The following FN3KRP variants were observed in gnomAD, a reference collection of about 807,000 sequenced individuals.
FN3KRP encodes the protein fructosamine 3 kinase related protein.
FN3KRP carries 33 observed loss-of-function variants against 29.8 expected under a neutral mutation model. The ratio of observed to expected loss-of-function variants is 1.11; its 90% CI spans 0.84 to 1.48. The LOEUF (loss-of-function observed/expected upper bound fraction) is 1.48, where lower values mean the gene tolerates loss of function less well. Among genes scored for constraint, FN3KRP ranks in the 40% most tolerant of loss-of-function variants. The pLI is 0.00. For missense variants in FN3KRP, 430 were observed against 402.6 expected (o/e 1.07, Z -0.58); for synonymous variants, 157 against 155.2 (o/e 1.01, Z -0.09).
At chr17:82,726,428 C>A in intron 4 of FN3KRP, 52 bp from the exon 5 acceptor site, 1 of 1,590,450 alleles carries the variant, frequency 6.3e-7, no homozygotes, top group South Asian at 1.1e-5. Flanking sequence ...GCTGAGCTCT[C>A]CCTTGGTTCT....
intron 3 of FN3KRP, among the ~76,000 whole-genome samples, chr17:82,722,266 C>G (rs1339581982): frequency 6.6e-6 from 1 of 152,194 alleles, no homozygotes; most frequent in African/African-American, 2.4e-5. Flanking sequence ...TCCCGAGTAG[C>G]TGGGATTATA....
rs1463916252 is a variant in FN3KRP at position 82,727,126 on chromosome 17, G to T, written c.885G>T (p.Gly295=). ...YLNHWNHFGS[G]YRGSSLNIMR... is the part of the protein sequence containing the mutation. ...ACCACTGGAATCATTTTGGATCGGG[G>T]TACAGAGGATCCTCCCTGAACATCA... Residue 295 remains glycine (G), a synonymous_variant, in exon 6 of 6, where the codon GGG becomes GGT. Transcript: ENST00000269373. 2 of 1,614,108 alleles carry T rather than the reference G, an allele frequency of 1.2e-6. No individual in the cohort carries two copies. The highest frequency in any genetic ancestry group is 2.2e-5 in the South Asian group (2 of 91,076).
intron 3 of FN3KRP, 82 bp downstream of exon 3, chr17:82,720,445 G>C: frequency 4.4e-6 from 5 of 1,143,856 alleles, no homozygotes; most frequent in Non-Finnish European, 6.3e-6. Context: ...GGGCCGTGCA[G>C]CAGCCGTGGG....
At chr17:82,721,984 G>A (rs1239401995) in intron 3 of FN3KRP, among the ~76,000 whole-genome samples, 4 of 149,618 alleles carry the variant, frequency 2.7e-5, no homozygotes, top group Admixed American at 6.7e-5. Context: ...ACAGGCATGC[G>A]CCACCATGCC....
At position 82,716,780 on chromosome 17, in the gene FN3KRP, C is replaced by T. The variant is rs1397944852; in HGVS notation, c.25C>T (p.Leu9=). MEELLRRE[L]GCSSVRATGH... ...CATGGAGGAGCTCCTGAGGCGCGAG[C>T]TGGGCTGCAGCTCTGTCAGGGCCAC... The change falls in exon 1 of 6, where the codon CTG becomes TTG. Residue 9 remains leucine, a synonymous_variant. Coordinates refer to ENST00000269373, the MANE Select transcript of FN3KRP (RefSeq NM_024619.4). 1.3e-6 allele frequency: 2 copies of T among 1,533,816 alleles called. No homozygotes were observed. Among genetic ancestry groups the T allele is most frequent in the Non-Finnish European group, 1.7e-6 (2 of 1,148,462 alleles).
chr17:82,721,099 T>TC (rs1325111740), intron 3 of FN3KRP: 2 of 152,338 alleles, frequency 1.3e-5, no homozygotes, highest in African/African-American at 2.4e-5. Flanking sequence ...TTTCTTTCTT[T>TC]TTTTTGAGAC....
intron 3 of FN3KRP, among the ~76,000 whole-genome samples, chr17:82,721,486 T>C (rs2046797738): frequency 6.6e-6 from 1 of 152,082 alleles, no homozygotes; most frequent in Non-Finnish European, 1.5e-5. Flanking sequence ...AGATTCTTTT[T>C]CCTCTTTATT....
chr17:82,723,176 T>A (rs2046810411), intron 4 of FN3KRP, among the ~76,000 whole-genome samples: 1 of 152,192 alleles, frequency 6.6e-6, no homozygotes, highest in Non-Finnish European at 1.5e-5. Flanking sequence ...GAGGGTGGAA[T>A]GACAAGGGTT....
At chr17:82,717,548 G>A (rs59806376) in intron 1 of FN3KRP, among the ~76,000 whole-genome samples, 151,234 of 152,172 alleles carry the variant, frequency 0.99, 75,157 homozygotes, top group East Asian at 1. Context: ...TGAAACCCCC[G>A]TCTCTATTAA....
intron 2 of FN3KRP, 44 bp downstream of exon 2, chr17:82,719,101 A>T: frequency 6.6e-7 from 1 of 1,522,172 alleles, no homozygotes; most frequent in Non-Finnish European, 8.9e-7. Flanking sequence ...TTACCTGAGC[A>T]GGTGTGTCTT....
chr17:82,719,087 T>C (rs1283953956), intron 2 of FN3KRP, 30 bp downstream of exon 2: 1 of 1,463,558 alleles, frequency 6.8e-7, no homozygotes, highest in South Asian at 1.2e-5. Flanking sequence ...CCCACCTGGC[T>C]TTATTACCTG....
At position 82,721,164 on chromosome 17, in the gene FN3KRP, C is replaced by T. The variant is rs139192209; in HGVS notation, c.385+801C>T. Reference sequence around the variant, plus strand: ...GGGCAGTGGTGCAATCTTGGCTCACCGTGACCTCTGCCTCCTGGGTTCAAG... The same window carrying T: ...GGGCAGTGGTGCAATCTTGGCTCACTGTGACCTCTGCCTCCTGGGTTCAAG... On this transcript the variant is annotated intron_variant, in intron 3 of 5. Coordinates refer to ENST00000269373, the MANE Select transcript of FN3KRP (RefSeq NM_024619.4). Among the ~76,000 whole-genome samples, 917 of 151,856 alleles carry T rather than the reference C, an allele frequency of 6.0e-3. 6 individuals carry two copies. Among genetic ancestry groups the T allele is most frequent in the Non-Finnish European group, 7.9e-3 (536 of 67,902 alleles).
chr17:82,717,732 G>A (rs2046767707), intron 1 of FN3KRP, among the ~76,000 whole-genome samples: 1 of 152,178 alleles, frequency 6.6e-6, no homozygotes, highest in Non-Finnish European at 1.5e-5. Context: ...AAAAAAAAAA[G>A]AGTGTTCCTA....
chr17:82,722,577 TCTG>T, intron 3 of FN3KRP: 1 of 510,886 alleles, frequency 2.0e-6, no homozygotes, highest in South Asian at 2.4e-5. Flanking sequence ...GATGCTGACG[TCTG>T]CTGGAGGCCA....
At chr17:82,719,094 C>G in intron 2 of FN3KRP, 37 bp downstream of exon 2, 1 of 1,528,392 alleles carries the variant, frequency 6.5e-7, no homozygotes, top group South Asian at 1.1e-5. Context: ...GGCTTTATTA[C>G]CTGAGCAGGT....
intron 4 of FN3KRP, among the ~76,000 whole-genome samples, chr17:82,725,947 G>A (rs1223872477): frequency 2.0e-5 from 3 of 152,232 alleles, no homozygotes; most frequent in African/African-American, 7.2e-5. Flanking sequence ...AGAGGCTGAA[G>A]CGGGCAGATC....
intron 4 of FN3KRP, among the ~76,000 whole-genome samples, chr17:82,723,808 G>A (rs1032177403): frequency 8.6e-5 from 13 of 151,906 alleles, no homozygotes; most frequent in Admixed American, 2.0e-4. Flanking sequence ...GTCCTTTCTC[G>A]GGGTCCTTCT....
rs1017491823 is a variant in FN3KRP, at chr17:82,723,604, T to C, written c.468+718T>C. On this transcript the variant is annotated intron_variant, in intron 4 of 5. Coordinates refer to ENST00000269373, the MANE Select transcript of FN3KRP (RefSeq NM_024619.4). ...GTGTGCATATGTGTGCATGTGTATG[T>C]GCACGCATGTGTGCATATGTGTATG... is the stretch of plus-strand genomic sequence containing the variant. Among the ~76,000 whole-genome samples, 12 of 151,530 alleles carry C rather than the reference T, an allele frequency of 7.9e-5. No individual in the cohort carries two copies. In the South Asian group the frequency reaches 1.5e-3, roughly 19 times the overall value.
chr17:82,722,839 G>C lies in FN3KRP; in HGVS notation c.421G>C (p.Ala141Pro), dbSNP rs1294409080. 3 of 1,613,990 alleles carry C rather than the reference G, an allele frequency of 1.9e-6. No homozygotes were observed. Among genetic ancestry groups the C allele is most frequent in the Non-Finnish European group, 2.5e-6 (3 of 1,180,036 alleles). Reference sequence around the variant, plus strand: ...TGGGCAGGAGGAACGGCCCTTTGTGGCCCGGTTTGGATTTGACGTGGTGAC... The same window carrying C: ...TGGGCAGGAGGAACGGCCCTTTGTGCCCCGGTTTGGATTTGACGTGGTGAC... ...GGGQEERPFV[A>P]RFGFDVVTCC... is the part of the protein sequence containing the mutation. The change falls in exon 4 of 6, where the codon GCC becomes CCC. Residue 141 changes from alanine to proline, a missense_variant. Coordinates refer to ENST00000269373, the MANE Select transcript of FN3KRP (RefSeq NM_024619.4).
Sources: gnomAD v4.1 joint callset for allele counts (sites outside exome capture counted in the v4.1 genomes callset) on GRCh38, gnomAD v4.1.1 for gene constraint, MANE v1.5 for transcripts, NCBI Gene and HGNC (gene_info 2026-07-23, HGNC 2026-07-21) for gene names.